Variants in PLCL2 observed in about 807,000 individuals in gnomAD.
PLCL2 encodes phospholipase C like 2.
A neutral mutation model predicts 79.6 loss-of-function variants in PLCL2; 4 were observed. The observed-to-expected ratio is 0.05, with a 90% CI of 0.02 to 0.11. The LOEUF is 0.11. PLCL2 is among the 10% of genes least tolerant of loss of function. The pLI is 1.00. For synonymous variants in PLCL2, 484 were observed against 457.7 expected, an observed-to-expected ratio of 1.06 and a Z score of -0.73; for missense variants, 895 against 1,291.0, an observed-to-expected ratio of 0.69 and a Z score of 4.70.
chr3:17,018,631 G>T (rs78583463), intron 3 of PLCL2, among the ~76,000 whole-genome samples: 4,336 of 152,220 alleles, frequency 0.028, 225 homozygotes, highest in African/African-American at 0.1. Context: ...CAGCATACAT[G>T]ATTATATCAT....
chr3:17,077,947 TG>T (rs1335669499), intron 5 of PLCL2, among the ~76,000 whole-genome samples: 3 of 152,250 alleles, frequency 2.0e-5, no homozygotes, highest in Non-Finnish European at 4.4e-5. Flanking sequence ...CTTCCTCTGC[TG>T]GCTGGCTCGT....
At chr3:16,972,011 G>T (rs1312080940) in intron 1 of PLCL2, among the ~76,000 whole-genome samples, 1 of 151,926 alleles carries the variant, frequency 6.6e-6, no homozygotes, top group Non-Finnish European at 1.5e-5. Context: ...AATAAATTAG[G>T]TATTGATGGG....
chr3:17,000,885 G>T (rs753094344), intron 1 of PLCL2, among the ~76,000 whole-genome samples: 1 of 152,088 alleles, frequency 6.6e-6, no homozygotes, highest in Non-Finnish European at 1.5e-5. Flanking sequence ...GATAAACATG[G>T]ATGTGCCGGT....
intron 1 of PLCL2, among the ~76,000 whole-genome samples, chr3:16,966,988 T>C (rs1375767843): frequency 6.6e-6 from 1 of 152,112 alleles, no homozygotes; most frequent in Non-Finnish European, 1.5e-5. Context: ...CTGTACTCAA[T>C]GTTTAGCTCC....
chr3:17,070,380 A>T (rs2065050667), intron 5 of PLCL2, among the ~76,000 whole-genome samples: 1 of 152,242 alleles, frequency 6.6e-6, no homozygotes, highest in African/African-American at 2.4e-5. Flanking sequence ...GACCAAATAG[A>T]TACACTGAAG....
chr3:16,936,895 A>G (rs1697552643), intron 1 of PLCL2, among the ~76,000 whole-genome samples: 1 of 152,024 alleles, frequency 6.6e-6, no homozygotes, highest in Admixed American at 6.6e-5. Context: ...TAACCCTTCA[A>G]TCTTATCTTT....
In PLCL2 at chr3:16,898,913, G is replaced by T. The variant is rs932416293; in HGVS notation, c.327+13547G>T. ...GGGCCAGAGGCCCCAGCCAGCTGTGGCAGGGGTTGGAGGGTGGAGGGGGAG... is the reference window on the plus strand; with the variant it reads ...GGGCCAGAGGCCCCAGCCAGCTGTGTCAGGGGTTGGAGGGTGGAGGGGGAG... On this transcript the variant is annotated intron_variant, in intron 1 of 5. Transcript: ENST00000615277. Among the ~76,000 whole-genome samples, 84 of 152,328 alleles carry T rather than the reference G, an allele frequency of 5.5e-4. 2 individuals are homozygous for T. Among genetic ancestry groups the T allele is most frequent in the Non-Finnish European group, 7.3e-4 (50 of 68,030 alleles).
At chr3:17,012,382 G>T (rs938991023) in intron 2 of PLCL2, among the ~76,000 whole-genome samples, 1 of 152,230 alleles carries the variant, frequency 6.6e-6, no homozygotes, top group African/African-American at 2.4e-5. Flanking sequence ...AGTGAGTCTC[G>T]TTGCTGTGTT....
intron 1 of PLCL2, among the ~76,000 whole-genome samples, chr3:16,890,047 A>G (rs1290807743): frequency 6.6e-6 from 1 of 152,216 alleles, no homozygotes; most frequent in East Asian, 1.9e-4. Flanking sequence ...TCCCCACTTT[A>G]CTTTGTGCTA....
chr3:17,075,302 A>G (rs2065098367), intron 5 of PLCL2, among the ~76,000 whole-genome samples: 1 of 152,162 alleles, frequency 6.6e-6, no homozygotes, highest in African/African-American at 2.4e-5. Flanking sequence ...AACACACACA[A>G]CATTTACCAA....
At chr3:16,913,533 C>G (rs1332900974) in intron 1 of PLCL2, among the ~76,000 whole-genome samples, 1 of 151,766 alleles carries the variant, frequency 6.6e-6, no homozygotes, top group African/African-American at 2.4e-5. Context: ...GGTTGACTGC[C>G]TTCTGATATG....
intron 4 of PLCL2, among the ~76,000 whole-genome samples, chr3:17,063,484 T>C (rs959381339): frequency 2.6e-5 from 4 of 151,000 alleles, no homozygotes; most frequent in African/African-American, 9.8e-5. Flanking sequence ...TGCATGCAAA[T>C]CTGAAAATGT....
intron 1 of PLCL2, among the ~76,000 whole-genome samples, chr3:16,959,899 A>C (rs1439083638): frequency 6.6e-6 from 1 of 152,072 alleles, no homozygotes; most frequent in African/African-American, 2.4e-5. Flanking sequence ...AGGTCAGGGG[A>C]TCAAGACCAT....
chr3:16,927,054 C>G (rs953662469), intron 1 of PLCL2, among the ~76,000 whole-genome samples: 2 of 152,074 alleles, frequency 1.3e-5, no homozygotes, highest in African/African-American at 4.8e-5. Flanking sequence ...ATTTATTTTT[C>G]TTTTCTTTCT....
intron 5 of PLCL2, among the ~76,000 whole-genome samples, chr3:17,087,226 T>C (rs1417247310): frequency 6.6e-6 from 1 of 152,234 alleles, no homozygotes; most frequent in Non-Finnish European, 1.5e-5. Flanking sequence ...AGCAGAGTTA[T>C]TTTTAATTGC....
At chr3:17,053,702 G>T (rs962390174) in intron 4 of PLCL2, among the ~76,000 whole-genome samples, 2 of 152,160 alleles carry the variant, frequency 1.3e-5, no homozygotes, top group Non-Finnish European at 2.9e-5. Flanking sequence ...GGGATATAGG[G>T]ATTGAGTAAA....
chr3:16,901,171 A>G (rs576510676), intron 1 of PLCL2, among the ~76,000 whole-genome samples: 1 of 152,242 alleles, frequency 6.6e-6, no homozygotes, highest in Admixed American at 6.5e-5. Context: ...TTATTTGGCA[A>G]GTCAGACCTG....
At chr3:16,895,437 C>A (rs1303169270) in intron 1 of PLCL2, among the ~76,000 whole-genome samples, 1 of 152,076 alleles carries the variant, frequency 6.6e-6, no homozygotes, top group Non-Finnish European at 1.5e-5. Flanking sequence ...ATATAAATAT[C>A]CAATTAATTC....
intron 1 of PLCL2, among the ~76,000 whole-genome samples, chr3:16,974,383 AT>A (rs1575563858): frequency 1.3e-5 from 2 of 152,082 alleles, no homozygotes; most frequent in East Asian, 1.9e-4. Flanking sequence ...ATAGAAGTGG[AT>A]GGGTTTCAGC....
Sources: gnomAD v4.1 joint callset for allele counts (sites outside exome capture counted in the v4.1 genomes callset) on GRCh38, gnomAD v4.1.1 for gene constraint, MANE v1.5 for transcripts, NCBI Gene and HGNC (gene_info 2026-07-23, HGNC 2026-07-21) for gene names.